Variants in ZMAT5 observed in about 807,000 individuals in gnomAD.
The protein encoded by ZMAT5 is zinc finger matrin-type 5.
In ZMAT5, 23 loss-of-function variants were observed where a neutral mutation model predicts 28.0. The ratio of observed to expected loss-of-function variants is 0.82; its 90% confidence interval spans 0.59 to 1.16. The LOEUF (loss-of-function observed/expected upper bound fraction) is 1.16. Ranked by LOEUF, ZMAT5 falls within the 50% of genes most tolerant of loss-of-function variation. ZMAT5 has a pLI of 0.00. For synonymous variants in ZMAT5, 76 were observed against 84.1 expected (o/e 0.90, Z 0.52); for missense variants, 173 against 212.7 (o/e 0.81, Z 1.16).
chr22:29,747,507 AC>A (rs1487472977), intron 2 of ZMAT5: 3 of 152,322 alleles, frequency 2.0e-5, no homozygotes, highest in Non-Finnish European at 2.9e-5. Context: ...AATCCTGCTC[AC>A]CAACCTACAG....
chr22:29,737,829 C>A (rs1415959594), intron 5 of ZMAT5, among the ~76,000 whole-genome samples: 1 of 152,100 alleles, frequency 6.6e-6, no homozygotes, highest in Non-Finnish European at 1.5e-5. Flanking sequence ...TACTTGTGAG[C>A]GTCCCGAGGG....
chr22:29,731,581 C>T (rs887877849), intron 5 of ZMAT5: 37 of 502,720 alleles, frequency 7.4e-5, no homozygotes, highest in African/African-American at 3.5e-4. Flanking sequence ...CATTGAGCTG[C>T]GAGACAATGG....
At chr22:29,760,907 T>G (rs1051427825) in intron 1 of ZMAT5, among the ~76,000 whole-genome samples, 2 of 152,144 alleles carry the variant, frequency 1.3e-5, no homozygotes, top group Non-Finnish European at 2.9e-5. Context: ...AATAGAAGCA[T>G]AAGAGCAAAT....
At chr22:29,756,760 T>A (rs533881478) in intron 1 of ZMAT5, among the ~76,000 whole-genome samples, 24 of 152,050 alleles carry the variant, frequency 1.6e-4, no homozygotes, top group South Asian at 4.2e-4. Flanking sequence ...AAATTTTTTT[T>A]AATTTGACCA....
intron 1 of ZMAT5, among the ~76,000 whole-genome samples, chr22:29,759,057 A>C (rs1210554891): frequency 6.6e-6 from 1 of 152,146 alleles, no homozygotes; most frequent in East Asian, 1.9e-4. Flanking sequence ...CCTGATTCCA[A>C]CCAGACTTGG....
rs1356379479 is a variant in ZMAT5, at chr22:29,766,937, C to G, written c.-93G>C. 1.3e-5 allele frequency: 2 copies of G among 156,670 alleles called. No individual in the cohort carries two copies. The highest frequency in any genetic ancestry group is 4.8e-5 in the African/African-American group (2 of 41,490). The allele number at this position is 156,670 out of a possible 1,614,324, so 9.7% of individuals were successfully genotyped here. On this transcript the variant is annotated 5_prime_UTR_variant, in exon 1 of 6. Transcript: ENST00000344318. ...GACTAGGACTCGCCCCTCGACGTCT[C>G]GCGGAAGGTACCTGGCTCCCCGGTG...
rs1048685871 is a variant in ZMAT5, at chr22:29,735,229, T to A, written c.383+3101A>T. ...CAGTTATGGACGCCCAAGGCAGCAA[T>A]GGCAAAAGCAGGAATAAACGGTCAC... On this transcript the variant is annotated intron_variant, in intron 5 of 5. Coordinates refer to ENST00000344318, the MANE Select transcript of ZMAT5 (RefSeq NM_001003692.2). Among the ~76,000 whole-genome samples the A allele has an allele frequency of 2.8e-4, 42 of 152,116 alleles. 1 individual carries two copies. The highest frequency in any genetic ancestry group is 3.7e-4 in the Non-Finnish European group (25 of 68,002).
rs1398037212 is a variant in ZMAT5, at chr22:29,738,436, T to A, written c.277A>T (p.Arg93Trp). 7.5e-6 allele frequency: 12 copies of A among 1,609,116 alleles called. No individual in the cohort carries two copies. The highest frequency in any genetic ancestry group is 1.0e-5 in the Non-Finnish European group (12 of 1,179,596). Residue 93 changes from arginine (R) to tryptophan (W), a missense_variant, in exon 5 of 6, where the codon AGG becomes TGG. Coordinates refer to ENST00000344318, the MANE Select transcript of ZMAT5 (RefSeq NM_001003692.2). ...QELSIQVEEE[R>W]RAREWLLDAP... is the part of the protein sequence containing the mutation. ...TCTAGTAGCCACTCCCTGGCTCGCC[T>A]CTCCTCTGTGGGGACAGGGAGACAA...
intron 1 of ZMAT5, among the ~76,000 whole-genome samples, chr22:29,759,423 T>G (rs1317932738): frequency 6.6e-6 from 1 of 152,044 alleles, no homozygotes; most frequent in Non-Finnish European, 1.5e-5. Flanking sequence ...CAACTCTCCT[T>G]AAATCATCCC....
At chr22:29,739,612 T>G (rs1367346658) in intron 4 of ZMAT5, among the ~76,000 whole-genome samples, 1 of 152,186 alleles carries the variant, frequency 6.6e-6, no homozygotes, top group African/African-American at 2.4e-5. Flanking sequence ...CCTGGGCCTC[T>G]CCCCATTCCT....
chr22:29,749,166 C>T (rs1317754680), intron 1 of ZMAT5, among the ~76,000 whole-genome samples: 1 of 152,114 alleles, frequency 6.6e-6, no homozygotes, highest in East Asian at 1.9e-4. Flanking sequence ...TAGCTTTAAC[C>T]TTCTGGGCTC....
At chr22:29,762,531 G>A (rs1289705813) in intron 1 of ZMAT5, among the ~76,000 whole-genome samples, 5 of 152,170 alleles carry the variant, frequency 3.3e-5, no homozygotes, top group African/African-American at 4.8e-5. Flanking sequence ...ATAGGAGCAC[G>A]AATCCTATTG....
chr22:29,759,892 CCT>C (rs1246920362), intron 1 of ZMAT5, among the ~76,000 whole-genome samples: 1 of 151,862 alleles, frequency 6.6e-6, no homozygotes, highest in Non-Finnish European at 1.5e-5. Flanking sequence ...ATGGTGAAAC[CCT>C]GTCTCTACTA....
intron 1 of ZMAT5, among the ~76,000 whole-genome samples, chr22:29,761,067 G>A (rs143924237): frequency 0.01 from 1,494 of 145,580 alleles, 19 homozygotes; most frequent in African/African-American, 0.037. Context: ...AAGGTCAAGA[G>A]ATCGAGACCA....
rs131277 is a variant in ZMAT5 at position 29,758,112 on chromosome 22, C to G, written c.-28+8760G>C. ...AGCTGCCACACTGTGAGCAGCCCTGCAGGGTGGCCCACGTGGCAAGGAACT... is the reference window on the plus strand; with the variant it reads ...AGCTGCCACACTGTGAGCAGCCCTGGAGGGTGGCCCACGTGGCAAGGAACT... On this transcript the variant is annotated intron_variant, in intron 1 of 5. Coordinates refer to ENST00000344318, the MANE Select transcript of ZMAT5 (RefSeq NM_001003692.2). 5.3e-5 allele frequency among the ~76,000 whole-genome samples: 8 copies of G among 151,986 alleles called. 1 individual carries two copies. The South Asian group carries it at 1.5e-3, about 28-fold the overall frequency.
chr22:29,758,191 G>C (rs936981544), intron 1 of ZMAT5, among the ~76,000 whole-genome samples: 1 of 152,298 alleles, frequency 6.6e-6, no homozygotes, highest in African/African-American at 2.4e-5. Flanking sequence ...CCCTCTGGCC[G>C]CAGTTAAGCC....
intron 1 of ZMAT5, among the ~76,000 whole-genome samples, 194 bp from the exon 2 acceptor site, chr22:29,748,765 C>T (rs1476985293): frequency 2.6e-5 from 4 of 152,218 alleles, no homozygotes; most frequent in African/African-American, 7.2e-5. Context: ...ATTCTGATGC[C>T]CAGCCTGCAA....
intron 1 of ZMAT5, among the ~76,000 whole-genome samples, chr22:29,761,065 G>A (rs1313002699): frequency 1.4e-5 from 2 of 147,618 alleles, no homozygotes; most frequent in Non-Finnish European, 3.0e-5. Context: ...ACAAGGTCAA[G>A]AGATCGAGAC....
intron 5 of ZMAT5, among the ~76,000 whole-genome samples, chr22:29,734,843 C>T (rs1042928810): frequency 3.3e-5 from 5 of 152,150 alleles, no homozygotes; most frequent in African/African-American, 7.2e-5. Context: ...AGCCCCAGCC[C>T]CAGCCCTGCA....
Sources: allele counts gnomAD v4.1 joint callset (sites outside exome capture counted in the v4.1 genomes callset), GRCh38; gene constraint gnomAD v4.1.1; transcripts MANE v1.5; gene names NCBI Gene and HGNC (gene_info 2026-07-23, HGNC 2026-07-21).